Variants in FAM169A observed in about 807,000 individuals in gnomAD.
The protein encoded by FAM169A is soluble lamin-associated protein of 75 kDa.
A neutral mutation model predicts 75.7 loss-of-function variants in FAM169A; 24 were observed. The ratio of observed to expected loss-of-function variants is 0.32; its 90% CI spans 0.23 to 0.45. The LOEUF is 0.45. FAM169A is among the 20% of genes least tolerant of loss of function. The pLI, the probability that FAM169A is intolerant of heterozygous loss-of-function variation, is 1.00. For synonymous variants in FAM169A, 271 were observed against 271.0 expected, an observed-to-expected ratio of 1.00 and a Z score of 0.00; for missense variants, 673 against 784.0, an observed-to-expected ratio of 0.86 and a Z score of 1.69.
At chr5:74,819,441 C>T (rs1350465044) in intron 5 of FAM169A, among the ~76,000 whole-genome samples, 2 of 152,168 alleles carry the variant, frequency 1.3e-5, no homozygotes, top group Admixed American at 1.3e-4. Flanking sequence ...AACCCTCACA[C>T]ATTGCTGGTG....
chr5:74,858,549 A>T (rs934048625), intron 1 of FAM169A, among the ~76,000 whole-genome samples: 5 of 152,150 alleles, frequency 3.3e-5, no homozygotes, highest in Non-Finnish European at 7.4e-5. Flanking sequence ...ACATGGACAC[A>T]ATGAGGGGAA....
intron 5 of FAM169A, among the ~76,000 whole-genome samples, chr5:74,830,279 G>GAACTATAACTATAACTAT (rs1326854351): frequency 1.3e-5 from 2 of 152,096 alleles, no homozygotes; most frequent in Non-Finnish European, 2.9e-5. Flanking sequence ...GGAAAAGAAA[G>GAACTATAACTATAACTAT]AAGTAAACTA....
intron 1 of FAM169A, among the ~76,000 whole-genome samples, chr5:74,842,615 T>C (rs1174641281): frequency 2.8e-5 from 4 of 143,224 alleles, no homozygotes; most frequent in Admixed American, 7.2e-5. Context: ...CTATGTAACC[T>C]TGAACTCTTG....
intron 1 of FAM169A, chr5:74,865,793 C>G (rs1395603452): frequency 6.6e-6 from 1 of 152,024 alleles, no homozygotes; most frequent in African/African-American, 2.4e-5. Flanking sequence ...AGCTCGCACG[C>G]CAAGCATCCA....
chr5:74,788,392 G>A (rs1278083412), intron 11 of FAM169A, among the ~76,000 whole-genome samples: 1 of 152,188 alleles, frequency 6.6e-6, no homozygotes, highest in African/African-American at 2.4e-5. Flanking sequence ...GAAACCATTA[G>A]AGTTGCCTCT....
intron 1 of FAM169A, among the ~76,000 whole-genome samples, chr5:74,853,266 G>A (rs1470961831): frequency 6.6e-6 from 1 of 152,156 alleles, no homozygotes; most frequent in Non-Finnish European, 1.5e-5. Context: ...AACTCAGAAT[G>A]TATTTTCTGA....
intron 6 of FAM169A, among the ~76,000 whole-genome samples, chr5:74,806,623 C>T (rs1177315052): frequency 6.6e-6 from 1 of 152,148 alleles, no homozygotes; most frequent in Non-Finnish European, 1.5e-5. Context: ...CTGTCCAATA[C>T]AGTAGCCACT....
At chr5:74,841,721 C>T (rs202227564) in intron 1 of FAM169A, 42 bp from the exon 2 acceptor site, 13 of 1,529,632 alleles carry the variant, frequency 8.5e-6, no homozygotes, top group East Asian at 7.0e-5. Context: ...GAATATGAAA[C>T]GCCATCTTCC....
chr5:74,829,888 G>A (rs758015643), intron 5 of FAM169A, among the ~76,000 whole-genome samples: 5 of 152,052 alleles, frequency 3.3e-5, no homozygotes, highest in South Asian at 2.1e-4. Flanking sequence ...CAAGAGAATC[G>A]CTTGAACCCA....
intron 5 of FAM169A, among the ~76,000 whole-genome samples, chr5:74,817,990 T>C (rs1250078617): frequency 1.3e-5 from 2 of 152,198 alleles, no homozygotes; most frequent in Admixed American, 6.5e-5. Flanking sequence ...CCTAGAATCA[T>C]ATACAAATTT....
chr5:74,839,248 C>T (rs1237023911), intron 3 of FAM169A, among the ~76,000 whole-genome samples, 198 bp from the exon 4 acceptor site: 3 of 152,130 alleles, frequency 2.0e-5, no homozygotes, highest in Non-Finnish European at 4.4e-5. Context: ...GCTACATCCC[C>T]ACCCAAATCT....
intron 1 of FAM169A, chr5:74,848,833 C>T (rs1749293342): frequency 6.6e-6 from 1 of 152,154 alleles, no homozygotes; most frequent in Non-Finnish European, 1.5e-5. Context: ...TGGTAAAGTT[C>T]CAGAGAGAAA....
intron 5 of FAM169A, among the ~76,000 whole-genome samples, chr5:74,826,462 T>C (rs1748032594): frequency 1.3e-5 from 2 of 152,192 alleles, no homozygotes; most frequent in Non-Finnish European, 2.9e-5. Context: ...TATTTTTAGT[T>C]TCTTTTTTCT....
chr5:74,846,740 T>G (rs1477586665), intron 1 of FAM169A, among the ~76,000 whole-genome samples: 6 of 152,154 alleles, frequency 3.9e-5, no homozygotes. Flanking sequence ...AGTCTGTATT[T>G]TTTATAGAGA....
intron 1 of FAM169A, among the ~76,000 whole-genome samples, chr5:74,848,464 T>C (rs1335143910): frequency 6.6e-6 from 1 of 152,174 alleles, no homozygotes; most frequent in Non-Finnish European, 1.5e-5. Flanking sequence ...AATATAGTAT[T>C]TGTCATGGTT....
chr5:74,810,052 G>A (rs963475433), intron 6 of FAM169A, among the ~76,000 whole-genome samples: 14 of 152,044 alleles, frequency 9.2e-5, no homozygotes, highest in African/African-American at 3.4e-4. Flanking sequence ...ATTCATAATA[G>A]CCAAGAAAGG....
intron 5 of FAM169A, among the ~76,000 whole-genome samples, chr5:74,815,125 G>A (rs918066209): frequency 2.6e-5 from 4 of 151,892 alleles, no homozygotes; most frequent in Non-Finnish European, 5.9e-5. Context: ...CGAGACTACC[G>A]ACTAATTTAA....
chr5:74,833,523 G>A (rs1345011199), intron 5 of FAM169A, among the ~76,000 whole-genome samples: 5 of 152,148 alleles, frequency 3.3e-5, no homozygotes, highest in Middle Eastern at 3.4e-3. Flanking sequence ...TGGACTATAC[G>A]CACTAATTCT....
rs1291434451 is a variant in FAM169A, at chr5:74,863,151, C to A, written c.-4+3014G>T. ...CATGTAAACGTTAAGGTATCATATA[C>A]CAACTCTAAAACTCCATGAGTCTAA... On this transcript the variant is annotated intron_variant, in intron 1 of 12. Transcript: ENST00000687041. Among the ~76,000 whole-genome samples, 5 of 151,980 alleles carry A rather than the reference C, an allele frequency of 3.3e-5. No homozygotes were observed. In the East Asian group the frequency reaches 9.6e-4, roughly 29 times the overall value.
Sources: gnomAD v4.1 joint callset for allele counts (sites outside exome capture counted in the v4.1 genomes callset) on GRCh38, gnomAD v4.1.1 for gene constraint, MANE v1.5 for transcripts, NCBI Gene and HGNC (gene_info 2026-07-23, HGNC 2026-07-21) for gene names.